ARHGAP32: variants seen among roughly 807,000 people sequenced by gnomAD.
The protein encoded by ARHGAP32 is rho GTPase-activating protein 32.
Under a neutral mutation model 186.5 loss-of-function variants are expected in ARHGAP32, and 51 were observed. The observed-to-expected ratio is 0.27, with a 90% CI of 0.22 to 0.35. The LOEUF is 0.35. Among genes scored for constraint, ARHGAP32 ranks in the 10% least tolerant of loss-of-function variants. The pLI is 1.00. For missense variants in ARHGAP32, 2,186 were observed against 2,623.5 expected (o/e 0.83, Z 3.64); for synonymous variants, 950 against 964.3 (o/e 0.99, Z 0.27).
intron 12 of ARHGAP32, among the ~76,000 whole-genome samples, chr11:128,992,771 G>C (rs1413266301): frequency 6.6e-6 from 1 of 151,980 alleles, no homozygotes; most frequent in East Asian, 1.9e-4. Flanking sequence ...TGGGCAACAA[G>C]AGCAAAACTC....
At chr11:129,126,050 G>C in intron 2 of ARHGAP32, 1 of 435,380 alleles carries the variant, frequency 2.3e-6, no homozygotes. Context: ...CATAATCCTA[G>C]GTATTATTTC....
At chr11:129,038,037 G>T (rs983261108) in intron 11 of ARHGAP32, among the ~76,000 whole-genome samples, 4 of 151,854 alleles carry the variant, frequency 2.6e-5, no homozygotes, top group Admixed American at 6.6e-5. Context: ...GGAGGCGGAG[G>T]TTGCAGTGAG....
At chr11:129,193,555 T>TAG (rs1218234787), upstream of ARHGAP32, among the ~76,000 whole-genome samples, 1 of 13,476 alleles carries the variant, frequency 7.4e-5, no homozygotes, top group Non-Finnish European at 1.3e-4. Flanking sequence ...ATATAATATA[T>TAG]ATATATTATA....
intron 2 of ARHGAP32, among the ~76,000 whole-genome samples, chr11:129,159,629 T>C (rs994588365): frequency 1.3e-5 from 2 of 151,486 alleles, no homozygotes; most frequent in African/African-American, 4.8e-5. Flanking sequence ...CACAGCCAAA[T>C]TCTACTAGAG....
At chr11:129,243,036 C>T (rs1015956317) in intron 1 of ARHGAP32, among the ~76,000 whole-genome samples, 4 of 152,126 alleles carry the variant, frequency 2.6e-5, no homozygotes, top group Non-Finnish European at 5.9e-5. Flanking sequence ...ACTCTCTAGC[C>T]ACCCAACTCC....
chr11:129,046,869 A>C (rs928739235), intron 10 of ARHGAP32, among the ~76,000 whole-genome samples: 4 of 152,194 alleles, frequency 2.6e-5, no homozygotes, highest in African/African-American at 9.6e-5. Flanking sequence ...TCACGCCTGT[A>C]ATCCCAGCAC....
chr11:129,108,465 G>A (rs1196168896), intron 5 of ARHGAP32, among the ~76,000 whole-genome samples: 3 of 152,022 alleles, frequency 2.0e-5, no homozygotes, highest in African/African-American at 7.3e-5. Flanking sequence ...CCAAGCAAAA[G>A]AGCACCAAAA....
At chr11:129,047,841 GATTTTGGA>G (rs1450161940) in intron 10 of ARHGAP32, among the ~76,000 whole-genome samples, 1 of 152,152 alleles carries the variant, frequency 6.6e-6, no homozygotes, top group Non-Finnish European at 1.5e-5. Flanking sequence ...TGTCTGCTAT[GATTTTGGA>G]ACTAGTTCCA....
intron 1 of ARHGAP32, among the ~76,000 whole-genome samples, chr11:129,201,851 T>C (rs1944459035): frequency 6.6e-6 from 1 of 152,056 alleles, no homozygotes; most frequent in South Asian, 2.1e-4. Flanking sequence ...AGCATTGTGA[T>C]GCACATCTGT....
chr11:129,019,848 T>C (rs147983982), intron 11 of ARHGAP32, among the ~76,000 whole-genome samples: 38 of 152,248 alleles, frequency 2.5e-4, no homozygotes, highest in Non-Finnish European at 4.9e-4. Context: ...CATCCAATCA[T>C]GACATCATTG....
intron 8 of ARHGAP32, among the ~76,000 whole-genome samples, chr11:129,064,383 A>G (rs914598116): frequency 6.6e-5 from 10 of 152,234 alleles, no homozygotes; most frequent in Middle Eastern, 3.4e-3. Context: ...TGCATTCCCA[A>G]TTTCCAGTGG....
At chr11:129,006,842 G>A (rs985659399) in intron 11 of ARHGAP32, among the ~76,000 whole-genome samples, 1 of 152,198 alleles carries the variant, frequency 6.6e-6, no homozygotes, top group Non-Finnish European at 1.5e-5. Context: ...CCCTAGGTGG[G>A]TCCAGAGATG....
Position 128,966,340 on chromosome 11 carries a change from G to T in ARHGAP32, c.*2567C>A, listed in dbSNP as rs1224205276. 6.6e-6 allele frequency: 1 copy of T among 152,212 alleles called. No individual in the cohort carries two copies. Among genetic ancestry groups the T allele is most frequent in the Admixed American group, 6.5e-5 (1 of 15,286 alleles). The allele number at this position is 152,212 out of a possible 1,614,324, so 9.4% of individuals were successfully genotyped here. ...CATTTGTGAAGTCACACACAAGGTG[G>T]ACTGTGCTGAGGTATCCGGCTCACA... On this transcript the variant is annotated 3_prime_UTR_variant, in exon 23 of 23. Transcript: ENST00000682385.
chr11:129,063,928 G>A lies in ARHGAP32; in HGVS notation c.859C>T (p.Arg287Trp), dbSNP rs1940600022. The A allele has an allele frequency of 1.2e-6, 2 of 1,611,606 alleles. No homozygotes were observed. Among genetic ancestry groups the A allele is most frequent in the Non-Finnish European group, 1.7e-6 (2 of 1,178,940 alleles). ...TCTAAGGTCAGTTCGTCAGGGGCCC[G>A]AGCAGTGTACCTCTTGATAACATGG... Reference protein sequence around the residue: ...AAHVIKRYTARAPDELTLEVG... With the variant: ...AAHVIKRYTAWAPDELTLEVG... The change falls in exon 9 of 23, where the codon CGG becomes TGG. Residue 287 changes from arginine (R) to tryptophan (W), a missense_variant. This residue lies in a region of ARHGAP32 where 308 missense variants were observed against 596.5 expected (regional missense o/e 0.52). Transcript: ENST00000682385.
chr11:129,056,640 T>C (rs1167903754), intron 10 of ARHGAP32, among the ~76,000 whole-genome samples: 2 of 152,188 alleles, frequency 1.3e-5, no homozygotes, highest in African/African-American at 4.8e-5. Context: ...GACTTGTGCC[T>C]TCTCATGCCC....
intron 11 of ARHGAP32, among the ~76,000 whole-genome samples, chr11:129,012,490 CA>C (rs1254113905): frequency 2.0e-5 from 3 of 152,016 alleles, no homozygotes; most frequent in Non-Finnish European, 4.4e-5. Context: ...AATTCCTTAT[CA>C]AAACAAACCC....
intron 6 of ARHGAP32, among the ~76,000 whole-genome samples, chr11:129,080,913 A>G (rs1941201100): frequency 6.6e-6 from 1 of 152,100 alleles, no homozygotes; most frequent in African/African-American, 2.4e-5. Flanking sequence ...TTAGAAATAA[A>G]TGGGAGCTAT....
chr11:129,043,721 A>AT lies in ARHGAP32; in HGVS notation c.964-2713dup, dbSNP rs377718277. Among the ~76,000 whole-genome samples, 419 of 152,084 alleles carry AT rather than the reference A, an allele frequency of 2.8e-3. 6 individuals are homozygous for AT. The South Asian group carries it at 0.044, about 16-fold the overall frequency. On this transcript the variant is annotated intron_variant, in intron 10 of 22. Transcript: ENST00000682385. ...AATTTCTTGAAGGAGAATTGCTTGC[A>AT]TATTTCTTCTCTGCCTTCACAGAAG...
intron 1 of ARHGAP32, among the ~76,000 whole-genome samples, chr11:129,270,621 T>C (rs1369270380): frequency 6.6e-6 from 1 of 151,718 alleles, no homozygotes; most frequent in Non-Finnish European, 1.5e-5. Context: ...GCGACTCTGA[T>C]GTGGGATGCT....
Sources: allele counts gnomAD v4.1 joint callset (sites outside exome capture counted in the v4.1 genomes callset), GRCh38; gene constraint gnomAD v4.1.1; regional missense constraint gnomAD v4.1.1; transcripts MANE v1.5; gene names NCBI Gene and HGNC (gene_info 2026-07-23, HGNC 2026-07-21).